CHRNA4: variants seen among roughly 807,000 people sequenced by gnomAD.
CHRNA4 encodes the protein neuronal acetylcholine receptor subunit alpha-4.
In CHRNA4, 28 loss-of-function variants were observed where a neutral mutation model predicts 48.9. The ratio of observed to expected loss-of-function variants is 0.57; its 90% CI spans 0.42 to 0.79. CHRNA4 has a LOEUF of 0.79. Among genes scored for constraint, CHRNA4 ranks in the 30% least tolerant of loss-of-function variants. The pLI, the probability that CHRNA4 is intolerant of heterozygous loss-of-function variation, is 0.00. For synonymous variants in CHRNA4, 425 were observed against 402.3 expected (o/e 1.06, Z -0.68); for missense variants, 859 against 898.4 (o/e 0.96, Z 0.56).
intron 4 of CHRNA4, chr20:63,354,397 C>T (rs994859545): frequency 1.4e-5 from 2 of 140,140 alleles, no homozygotes; most frequent in Non-Finnish European, 1.5e-5. Context: ...TGCAGTTCTG[C>T]AGGAGGCACT....
Position 63,343,860 on chromosome 20 carries a change from G to A in CHRNA4, c.*2878C>T, listed in dbSNP as rs201868073. 8.8e-6 allele frequency: 4 copies of A among 454,164 alleles called. No homozygotes were observed. The highest frequency in any genetic ancestry group is 3.1e-5 in the South Asian group (2 of 64,476). The allele number at this position is 454,164 out of a possible 1,614,324, so 28.1% of individuals were successfully genotyped here. ...TAGTGTGAGACTTTGATAGGGGGTC[G>A]GGGGTCACAGCCCTGGCAAGGTGGG... On this transcript the variant is annotated 3_prime_UTR_variant, in exon 6 of 6. Coordinates refer to ENST00000370263, the MANE Select transcript of CHRNA4 (RefSeq NM_000744.7).
intron 5 of CHRNA4, among the ~76,000 whole-genome samples, chr20:63,348,075 C>T (rs1002023032): frequency 9.9e-5 from 15 of 152,200 alleles, no homozygotes; most frequent in Non-Finnish European, 1.5e-4. Flanking sequence ...GAAGATGAAA[C>T]GCAGCCGCAG....
Position 63,343,404 on chromosome 20 carries a change from C to A in CHRNA4, c.*3334G>T, listed in dbSNP as rs199628802. The A allele has an allele frequency of 4.4e-6, 2 of 454,106 alleles. No individual in the cohort carries two copies. The highest frequency in any genetic ancestry group is 2.0e-5 in the African/African-American group (1 of 50,110). The allele number at this position is 454,106 out of a possible 1,614,324, so 28.1% of individuals were successfully genotyped here. A position where few individuals can be genotyped will look rare whatever the true frequency, so the allele number is the denominator to read the frequency against. ...ATCCCCAGGTGCTGTGTGTGCTGCGCCTGATCCAGCATTTCTGGTGCAAGG... is the reference window on the plus strand; with the variant it reads ...ATCCCCAGGTGCTGTGTGTGCTGCGACTGATCCAGCATTTCTGGTGCAAGG... On this transcript the variant is annotated 3_prime_UTR_variant, in exon 6 of 6. Coordinates refer to ENST00000370263, the MANE Select transcript of CHRNA4 (RefSeq NM_000744.7).
chr20:63,349,950 C>T lies in CHRNA4; in HGVS notation c.1461G>A (p.Arg487=), dbSNP rs1310753935. 1 of 1,576,830 alleles carries T rather than the reference C, an allele frequency of 6.3e-7. No individual in the cohort carries two copies. The highest frequency in any genetic ancestry group is 1.8e-5 in the Admixed American group (1 of 54,924). Residue 487 remains arginine (R), a synonymous_variant, in exon 5 of 6, where the codon CGG becomes CGA. Transcript: ENST00000370263. Reference sequence around the variant, plus strand: ...CTCGGGGAACACAGTACTGGATGCTCCGAGACCGGCACCGGACGCCGCCTT... The same window carrying T: ...CTCGGGGAACACAGTACTGGATGCTTCGAGACCGGCACCGGACGCCGCCTT... ...AVEGGVRCRS[R]SIQYCVPRDD...
At chr20:63,358,002 A>G (rs539096476) in intron 2 of CHRNA4, among the ~76,000 whole-genome samples, 2 of 152,328 alleles carry the variant, frequency 1.3e-5, no homozygotes, top group East Asian at 3.9e-4. Context: ...TGGCAGACCC[A>G]GAGCCTTGGG....
chr20:63,344,300 A>T lies in CHRNA4; in HGVS notation c.*2438T>A, dbSNP rs1490456168. 1 of 454,018 alleles carries T rather than the reference A, an allele frequency of 2.2e-6. No individual in the cohort carries two copies. The allele number at this position is 454,018 out of a possible 1,614,324, so 28.1% of individuals were successfully genotyped here. A position where few individuals can be genotyped will look rare whatever the true frequency, so the allele number is the denominator to read the frequency against. On this transcript the variant is annotated 3_prime_UTR_variant, in exon 6 of 6. Coordinates refer to ENST00000370263, the MANE Select transcript of CHRNA4 (RefSeq NM_000744.7). The surrounding 1 kb of genome is among the most constrained non-coding windows in gnomAD (Gnocchi z 4.5). ...GCTTAAGTCAGAGCCACAGATGGGGAGGGACGCCGACAGGAAGGGCTGGAG... is the reference window on the plus strand; with the variant it reads ...GCTTAAGTCAGAGCCACAGATGGGGTGGGACGCCGACAGGAAGGGCTGGAG...
intron 2 of CHRNA4, among the ~76,000 whole-genome samples, chr20:63,359,220 C>G (rs2068763732): frequency 6.6e-6 from 1 of 152,162 alleles, no homozygotes; most frequent in Non-Finnish European, 1.5e-5. Flanking sequence ...TCCGAGGTCA[C>G]AGCGTGCCCC....
intron 4 of CHRNA4, among the ~76,000 whole-genome samples, chr20:63,351,399 G>C (rs76526406): frequency 6.6e-6 from 1 of 152,188 alleles, no homozygotes; most frequent in Non-Finnish European, 1.5e-5. Context: ...TTCAGAGAAC[G>C]GGAAGGGACC....
Position 63,346,679 on chromosome 20 carries a change from C to CCA in CHRNA4, c.*58_*59insTG, listed in dbSNP as rs2068500374. ...GAAGCCAGCCCGGCCCCAGGCCGGC[C>CCA]GCATGGATGCTGGCCCCGTGCACGG... On this transcript the variant is annotated 3_prime_UTR_variant, in exon 6 of 6. Transcript: ENST00000370263. 1.9e-6 allele frequency: 3 copies of CCA among 1,563,500 alleles called. No homozygotes were observed. Among genetic ancestry groups the CCA allele is most frequent in the Non-Finnish European group, 2.6e-6 (3 of 1,160,900 alleles).
Position 63,351,018 on chromosome 20 carries a change from C to G in CHRNA4, c.393G>C (p.Gly131=). The G allele has an allele frequency of 6.2e-7, 1 of 1,613,104 alleles. No individual in the cohort carries two copies. The highest frequency in any genetic ancestry group is 8.5e-7 in the Non-Finnish European group (1 of 1,179,940). The change falls in exon 5 of 6, where the codon GGG becomes GGC. Residue 131 remains glycine, a synonymous_variant. Coordinates refer to ENST00000370263, the MANE Select transcript of CHRNA4 (RefSeq NM_000744.7). The part of the protein sequence containing the change: ...PDIVLYNNAD[G]DFAVTHLTKA... The stretch of plus-strand genomic sequence containing the variant: ...TGGTCAGGTGGGTGACCGCGAAGTC[C>G]CCGTCAGCACTGGGCAGGAAGAGAG...
In CHRNA4 at chr20:63,350,814, G is replaced by T. The variant is rs376632839; in HGVS notation, c.597C>A (p.Asp199Glu). ...IDLVNMHSRV[D>E]QLDFWESGEW... ...CGCCACTCTCCCAGAAGTCCAGCTG[G>T]TCCACGCGGCTGTGCATGTTCACCA... The change falls in exon 5 of 6, where the codon GAC becomes GAA. Residue 199 changes from aspartate to glutamate, a missense_variant. By Grantham distance (45) the Asp-to-Glu change is conservative. This residue lies in a region of CHRNA4 where 342 missense variants were observed against 365.3 expected (regional missense o/e 0.94). Transcript: ENST00000370263. The T allele has an allele frequency of 6.2e-7, 1 of 1,613,970 alleles. No individual in the cohort carries two copies. The highest frequency in any genetic ancestry group is 8.5e-7 in the Non-Finnish European group (1 of 1,180,026).
In CHRNA4 at chr20:63,351,186, TC is replaced by T. The variant is rs1268583808; in HGVS notation, c.384-160del. 1.3e-5 allele frequency: 6 copies of T among 475,420 alleles called. No homozygotes were observed. The African/African-American group carries it at 1.3e-4, about 11-fold the overall frequency. The allele number at this position is 475,420 out of a possible 1,614,324, so 29.5% of individuals were successfully genotyped here. ...ATCCACGTCCACGCCCACATCCATG[TC>T]CCACGCCCACATCCACACCCACGTC... is the stretch of plus-strand genomic sequence containing the variant. On this transcript the variant is annotated intron_variant, in intron 4 of 5. Transcript: ENST00000370263.
At position 63,350,934 on chromosome 20, in the gene CHRNA4, G is replaced by C; in HGVS notation, c.477C>G (p.Ser159Arg). 2 of 1,613,926 alleles carry C rather than the reference G, an allele frequency of 1.2e-6. No individual in the cohort carries two copies. Among genetic ancestry groups the C allele is most frequent in the Non-Finnish European group, 1.7e-6 (2 of 1,180,014 alleles). ...VQWTPPAIYK[S>R]SCSIDVTFFP... ...AGAAGGTGACGTCGATGCTGCAGGA[G>C]CTCTTGTAAATGGCCGGGGGAGTCC... Residue 159 changes from serine to arginine, a missense_variant, in exon 5 of 6, where the codon AGC (serine) becomes AGG (arginine). Ser to Arg is a moderately radical substitution (Grantham distance 110). Transcript: ENST00000370263.
chr20:63,351,764 G>T (rs1424796251), intron 4 of CHRNA4, among the ~76,000 whole-genome samples: 2 of 152,238 alleles, frequency 1.3e-5, no homozygotes, highest in African/African-American at 2.4e-5. Flanking sequence ...TGCCTTGGGG[G>T]ACGTGGGTGT....
Position 63,351,167 on chromosome 20 carries a change from G to A in CHRNA4, c.384-140C>T, listed in dbSNP as rs1295089072. The stretch of plus-strand genomic sequence containing the variant: ...CATCCACGTCCACGCCCACATCCAC[G>A]TCCACGCCCACATCCATGTCCCACG... On this transcript the variant is annotated intron_variant, in intron 4 of 5. Transcript: ENST00000370263. The A allele has an allele frequency of 1.0e-4, 70 of 685,558 alleles. 2 individuals carry two copies. Among genetic ancestry groups the A allele is most frequent in the African/African-American group, 5.8e-4 (26 of 44,798 alleles). 42.5% of individuals were successfully genotyped at this position (685,558 alleles called of 1,614,324 possible).
In CHRNA4 at chr20:63,356,415, C is replaced by A; in HGVS notation, c.229G>T (p.Asp77Tyr). The A allele has an allele frequency of 6.2e-7, 1 of 1,600,942 alleles. No individual in the cohort carries two copies. The highest frequency in any genetic ancestry group is 8.5e-7 in the Non-Finnish European group (1 of 1,174,138). ...GLSIAQLIDV[D>Y]EKNQMMTTNV... Reference sequence around the variant, plus strand: ...GTGGTCATCATCTGGTTCTTCTCATCCTAGGGCACCGAGAGAGGAAGGGGG... The same window carrying A: ...GTGGTCATCATCTGGTTCTTCTCATACTAGGGCACCGAGAGAGGAAGGGGG... The change falls in exon 3 of 6, where the codon GAT becomes TAT. Residue 77 changes from aspartate (D) to tyrosine (Y), a missense_variant and splice_region_variant. Around this residue, in one of 3 missense-constraint regions of CHRNA4, gnomAD observed 342 missense variants for 365.3 expected, o/e 0.94. Coordinates refer to ENST00000370263, the MANE Select transcript of CHRNA4 (RefSeq NM_000744.7).
In CHRNA4 at chr20:63,361,323, C is replaced by A. The variant is rs1184912367; in HGVS notation, c.-158G>T. On this transcript the variant is annotated 5_prime_UTR_variant, in exon 1 of 6. Coordinates refer to ENST00000370263, the MANE Select transcript of CHRNA4 (RefSeq NM_000744.7). ...CCTGTGGGGCGCGGTGCGGCGGCGG[C>A]GCGGCAGGGAGCGCCGGGCTGTGGG... The A allele has an allele frequency of 8.7e-7, 1 of 1,146,950 alleles. No individual in the cohort carries two copies. The highest frequency in any genetic ancestry group is 3.0e-5 in the South Asian group (1 of 33,066). 71.0% of individuals were successfully genotyped at this position (1,146,950 alleles called of 1,614,324 possible).
chr20:63,354,937 C>T (rs1342098041), intron 4 of CHRNA4, among the ~76,000 whole-genome samples: 1 of 152,158 alleles, frequency 6.6e-6, no homozygotes, highest in Admixed American at 6.5e-5. Context: ...CCTCCCACTG[C>T]CGGAGGCCCT....
intron 4 of CHRNA4, 151 bp downstream of exon 4, chr20:63,355,824 C>T (rs2068707713): frequency 1.1e-5 from 12 of 1,129,742 alleles, no homozygotes; most frequent in East Asian, 7.9e-5. Context: ...CTTCTTCCTT[C>T]CTGGGCCTGG....
Sources: allele counts gnomAD v4.1 joint callset (sites outside exome capture counted in the v4.1 genomes callset), GRCh38; gene constraint gnomAD v4.1.1; regional missense constraint gnomAD v4.1.1; non-coding constraint Gnocchi (gnomAD v3.1); transcripts MANE v1.5; gene names NCBI Gene and HGNC (gene_info 2026-07-23, HGNC 2026-07-21).